USP34: variants seen among roughly 807,000 people sequenced by gnomAD.
USP34 encodes ubiquitin specific peptidase 34.
Under a neutral mutation model 460.3 loss-of-function variants are expected in USP34, and 70 were observed. The ratio of observed to expected loss-of-function variants is 0.15; its 90% CI spans 0.13 to 0.19. The LOEUF (loss-of-function observed/expected upper bound fraction) is 0.19, where lower values mean the gene tolerates loss of function less well. USP34 is among the 10% of genes least tolerant of loss of function. The pLI is 1.00. For synonymous variants in USP34, 1,647 were observed against 1,405.3 expected (o/e 1.17, Z -3.85); for missense variants, 3,985 against 4,236.2 (o/e 0.94, Z 1.65).
chr2:61,289,923 A>G (rs1292392237), intron 33 of USP34, among the ~76,000 whole-genome samples: 1 of 152,140 alleles, frequency 6.6e-6, no homozygotes, highest in Non-Finnish European at 1.5e-5. Context: ...CTCTCCCCTA[A>G]AAGATGCTGT....
chr2:61,329,155 G>A (rs899731821), intron 20 of USP34, among the ~76,000 whole-genome samples: 3 of 151,974 alleles, frequency 2.0e-5, no homozygotes, highest in African/African-American at 7.2e-5. Flanking sequence ...CTGAGTAGCT[G>A]AGATTACAGG....
intron 1 of USP34, among the ~76,000 whole-genome samples, chr2:61,458,051 C>T (rs1171271344): frequency 6.6e-6 from 1 of 152,110 alleles, no homozygotes; most frequent in Non-Finnish European, 1.5e-5. Context: ...AAACACTGAT[C>T]CTACCACATG....
chr2:61,282,557 G>A (rs893188702), intron 37 of USP34, among the ~76,000 whole-genome samples: 3 of 152,152 alleles, frequency 2.0e-5, no homozygotes, highest in African/African-American at 7.2e-5. Context: ...GGGAGGCCGA[G>A]GCAGGAGCAT....
At chr2:61,423,861 G>A (rs1048249978) in intron 1 of USP34, among the ~76,000 whole-genome samples, 2 of 152,214 alleles carry the variant, frequency 1.3e-5, no homozygotes, top group African/African-American at 2.4e-5. Flanking sequence ...TAAGGATAAC[G>A]TGGGAGAATG....
At chr2:61,229,737 A>G in intron 58 of USP34, 104 bp from the exon 59 acceptor site, 1 of 970,658 alleles carries the variant, frequency 1.0e-6, no homozygotes. Context: ...TATAGTTTGC[A>G]CAAGATTATC....
chr2:61,434,131 C>T (rs573420576), intron 1 of USP34, among the ~76,000 whole-genome samples: 1 of 152,308 alleles, frequency 6.6e-6, no homozygotes, highest in East Asian at 1.9e-4. Flanking sequence ...GTGAAGCAGC[C>T]ATGCACCCTT....
In USP34 at chr2:61,420,722, T is replaced by A. The variant is rs769580161; in HGVS notation, c.131+24A>T. The A allele has an allele frequency of 2.7e-5, 42 of 1,544,478 alleles. 1 individual carries two copies. The highest frequency in any genetic ancestry group is 1.6e-4 in the South Asian group (13 of 79,344). On this transcript the variant is annotated intron_variant, in intron 2 of 79. Coordinates refer to ENST00000398571, the MANE Select transcript of USP34 (RefSeq NM_014709.4). ...ATAACACAACTCACAAAAATTAGTC[T>A]TCGAAATACCTAAAGATGCATACCT...
intron 3 of USP34, among the ~76,000 whole-genome samples, chr2:61,403,262 T>G (rs571921585): frequency 1.3e-5 from 2 of 152,130 alleles, no homozygotes; most frequent in Non-Finnish European, 2.9e-5. Context: ...ATTTAGAGAT[T>G]ACCATTTTTG....
At chr2:61,365,330 T>G (rs1453003496) in intron 10 of USP34, among the ~76,000 whole-genome samples, 1 of 151,676 alleles carries the variant, frequency 6.6e-6, no homozygotes, top group Non-Finnish European at 1.5e-5. Context: ...TGTGTGTGTA[T>G]ATATGTATGT....
At chr2:61,310,600 A>G (rs1364959168) in intron 27 of USP34, among the ~76,000 whole-genome samples, 1 of 150,702 alleles carries the variant, frequency 6.6e-6, no homozygotes, top group Admixed American at 6.6e-5. Context: ...ATCTCTGGAA[A>G]GAGATAAGAA....
rs368011322 is a variant in USP34 at position 61,250,457 on chromosome 2, T to C, written c.6222-1774A>G. ...CTGTTTATAGATTAAACACCCCACATGCATGGCCACTCTCAGCATGAGAAA... is the reference window on the plus strand; with the variant it reads ...CTGTTTATAGATTAAACACCCCACACGCATGGCCACTCTCAGCATGAGAAA... On this transcript the variant is annotated intron_variant, in intron 48 of 79. Coordinates refer to ENST00000398571, the MANE Select transcript of USP34 (RefSeq NM_014709.4). The C allele has an allele frequency of 2.6e-4, 41 of 156,724 alleles. No homozygotes were observed. In the South Asian group the frequency reaches 7.5e-3, roughly 29 times the overall value. 9.7% of individuals were successfully genotyped at this position (156,724 alleles called of 1,614,324 possible). A position where few individuals can be genotyped will look rare whatever the true frequency, so the allele number is the denominator to read the frequency against.
intron 68 of USP34, 152 bp downstream of exon 68, chr2:61,213,908 T>G: frequency 1.0e-6 from 1 of 952,532 alleles, no homozygotes; most frequent in Non-Finnish European, 1.5e-6. Context: ...CACAGCATTT[T>G]ATATATGTAT....
chr2:61,311,858 G>T lies in USP34; in HGVS notation c.3595C>A (p.His1199Asn). ...WQIEGTGISS[H>N]LKALSDKQSL... is the part of the protein sequence containing the mutation. ...TGTTTGTCACTCAGTGCTTTCAAAT[G>T]ACTACTAATACCAGTGCCTTCAATT... The change falls in exon 26 of 80, where the codon CAT becomes AAT. Residue 1199 changes from histidine to asparagine, a missense_variant. Transcript: ENST00000398571. 1 of 1,613,980 alleles carries T rather than the reference G, an allele frequency of 6.2e-7. No homozygotes were observed. The highest frequency in any genetic ancestry group is 1.1e-5 in the South Asian group (1 of 91,068).
chr2:61,278,575 T>C (rs1689442045), intron 39 of USP34, 132 bp from the exon 40 acceptor site: 2 of 650,894 alleles, frequency 3.1e-6, no homozygotes, highest in East Asian at 2.9e-5. Context: ...ATAAACGTAA[T>C]ACACCTACTC....
intron 8 of USP34, among the ~76,000 whole-genome samples, chr2:61,373,367 G>GT (rs112151932): frequency 0.015 from 2,217 of 146,410 alleles, 31 homozygotes; most frequent in African/African-American, 0.044. Context: ...TATATGACTA[G>GT]TTTTTTTTTT....
chr2:61,416,926 G>T, intron 2 of USP34: 3 of 1,132,614 alleles, frequency 2.6e-6, no homozygotes, highest in Non-Finnish European at 2.6e-6. Flanking sequence ...GCCATGAATG[G>T]CGACATACTT....
intron 59 of USP34, 102 bp downstream of exon 59, chr2:61,229,446 A>T (rs1194547016): frequency 2.7e-5 from 22 of 816,104 alleles, no homozygotes; most frequent in Non-Finnish European, 3.4e-5. Context: ...ACATGAAGAA[A>T]CCCTATCTCT....
In USP34 at chr2:61,402,913, G is replaced by C. The variant is rs74359786; in HGVS notation, c.552+2795C>G. Among the ~76,000 whole-genome samples the C allele has an allele frequency of 8.5e-3, 1,287 of 152,108 alleles. 20 individuals carry two copies. The highest frequency in any genetic ancestry group is 0.029 in the African/African-American group (1,203 of 41,510). On this transcript the variant is annotated intron_variant, in intron 3 of 79. Transcript: ENST00000398571. ...GTATGCTACCAAGTCTTTGATCTAA[G>C]ACCATTTGAAACAGTTGACCCTTAC...
At chr2:61,259,463 C>T (rs1020064363) in intron 44 of USP34, among the ~76,000 whole-genome samples, 3 of 151,746 alleles carry the variant, frequency 2.0e-5, no homozygotes, top group African/African-American at 7.3e-5. Context: ...TCTCAGCTTG[C>T]TGCAACCTCT....
Sources: allele counts gnomAD v4.1 joint callset (sites outside exome capture counted in the v4.1 genomes callset), GRCh38; gene constraint gnomAD v4.1.1; transcripts MANE v1.5; gene names NCBI Gene and HGNC (gene_info 2026-07-23, HGNC 2026-07-21).